SACM1L: variants seen among roughly 807,000 people sequenced by gnomAD.
SACM1L encodes the protein SAC1 like phosphatidylinositide phosphatase, also known as phosphatidylinositol-3-phosphatase SAC1.
A neutral mutation model predicts 89.5 loss-of-function variants in SACM1L; 32 were observed. That is an observed-to-expected ratio of 0.36 (90% CI 0.27 to 0.48). The LOEUF is 0.48. Among genes scored for constraint, SACM1L ranks in the 20% least tolerant of loss-of-function variants. The pLI, the probability that SACM1L is intolerant of heterozygous loss-of-function variation, is 0.99. For synonymous variants in SACM1L, 213 were observed against 232.8 expected (o/e 0.92, Z 0.77); for missense variants, 543 against 708.5 (o/e 0.77, Z 2.65).
intron 11 of SACM1L, among the ~76,000 whole-genome samples, chr3:45,724,642 C>T (rs146230919): frequency 5.0e-4 from 76 of 152,032 alleles, no homozygotes; most frequent in Non-Finnish European, 8.7e-4. Flanking sequence ...TGTTTAAGTC[C>T]AGCTTATCTA....
intron 5 of SACM1L, among the ~76,000 whole-genome samples, chr3:45,712,479 G>A (rs1203475093): frequency 2.0e-5 from 3 of 152,142 alleles, no homozygotes; most frequent in Non-Finnish European, 2.9e-5. Flanking sequence ...CAAGTGATCC[G>A]CCTGCCTTGG....
At chr3:45,698,318 C>T (rs1291865903) in intron 1 of SACM1L, among the ~76,000 whole-genome samples, 3 of 152,174 alleles carry the variant, frequency 2.0e-5, no homozygotes, top group Non-Finnish European at 4.4e-5. Flanking sequence ...TTCTAATGAG[C>T]ATCCCTAGAA....
intron 5 of SACM1L, 145 bp downstream of exon 5, chr3:45,709,792 A>G: frequency 1.5e-6 from 1 of 685,624 alleles, no homozygotes; most frequent in South Asian, 2.2e-5. Flanking sequence ...CCCTGTTTTA[A>G]ATATACATCA....
rs1181029098 is a variant in SACM1L, at chr3:45,706,873, A to G, written c.299A>G (p.Tyr100Cys). 1 of 1,613,332 alleles carries G rather than the reference A, an allele frequency of 6.2e-7. No individual in the cohort carries two copies. The part of the protein sequence containing the change: ...WKATDFDVLS[Y>C]KKTMLHLTDI... ...GCAACAGATTTTGATGTCCTTTCTTATAAGAAGACAATGTTGCACTTAACT... is the reference window on the plus strand; with the variant it reads ...GCAACAGATTTTGATGTCCTTTCTTGTAAGAAGACAATGTTGCACTTAACT... The change falls in exon 4 of 20, where the codon TAT becomes TGT. Residue 100 changes from tyrosine to cysteine, a missense_variant. Tyr to Cys is a radical substitution (Grantham distance 194, BLOSUM62 -2). Transcript: ENST00000389061.
At chr3:45,693,585 C>T (rs1318070131) in intron 1 of SACM1L, among the ~76,000 whole-genome samples, 1 of 152,234 alleles carries the variant, frequency 6.6e-6, no homozygotes, top group Non-Finnish European at 1.5e-5. Context: ...TCAGATCATA[C>T]AGCCAAGCCA....
intron 5 of SACM1L, among the ~76,000 whole-genome samples, chr3:45,710,445 A>C (rs952490410): frequency 1.7e-4 from 26 of 149,082 alleles, no homozygotes; most frequent in African/African-American, 6.2e-4. Context: ...CACCCACCTC[A>C]TCCTCCCAAA....
chr3:45,692,855 A>G (rs1431528181), intron 1 of SACM1L, among the ~76,000 whole-genome samples: 2 of 152,240 alleles, frequency 1.3e-5, no homozygotes, highest in African/African-American at 4.8e-5. Context: ...TGGTCAATCC[A>G]TAGTACTGTT....
At position 45,703,469 on chromosome 3, in the gene SACM1L, G is replaced by A; in HGVS notation, c.64G>A (p.Ala22Thr). 2 of 1,613,102 alleles carry A rather than the reference G, an allele frequency of 1.2e-6. No individual in the cohort carries two copies. Among genetic ancestry groups the A allele is most frequent in the Non-Finnish European group, 1.7e-6 (2 of 1,179,266 alleles). ...HITPEKFYVE[A>T]CDDGADDVLT... is the part of the protein sequence containing the mutation. ...CACACCTGAAAAATTTTATGTGGAA[G>A]CTTGTGATGATGGAGCAGATGACGT... is the stretch of plus-strand genomic sequence containing the variant. Residue 22 changes from alanine to threonine, a missense_variant, in exon 2 of 20, where the codon GCT (alanine) becomes ACT (threonine). By Grantham distance (58) the Ala-to-Thr change is moderately conservative (BLOSUM62 0). Coordinates refer to ENST00000389061, the MANE Select transcript of SACM1L (RefSeq NM_014016.5).
intron 1 of SACM1L, 177 bp downstream of exon 1, chr3:45,689,674 C>A: frequency 1.4e-6 from 1 of 724,300 alleles, no homozygotes; most frequent in Non-Finnish European, 2.3e-6. Flanking sequence ...TAGCCATAGG[C>A]CGGGAACCAG....
chr3:45,713,361 A>G, intron 6 of SACM1L, 165 bp downstream of exon 6: 1 of 506,682 alleles, frequency 2.0e-6, no homozygotes, highest in Non-Finnish European at 3.4e-6. Flanking sequence ...ACATCATTCT[A>G]GGTTGAAGAA....
At chr3:45,695,718 T>C (rs1022335203) in intron 1 of SACM1L, among the ~76,000 whole-genome samples, 1 of 152,232 alleles carries the variant, frequency 6.6e-6, no homozygotes, top group African/African-American at 2.4e-5. Flanking sequence ...AAGTATACAG[T>C]TCAGGGGCAA....
chr3:45,727,305 CAT>C (rs1043377289), intron 11 of SACM1L, among the ~76,000 whole-genome samples: 10 of 152,146 alleles, frequency 6.6e-5, no homozygotes, highest in African/African-American at 2.4e-4. Context: ...TTGTTTTTCA[CAT>C]GTTTGTGAAA....
At chr3:45,692,970 GCAACTT>G (rs1297922139) in intron 1 of SACM1L, among the ~76,000 whole-genome samples, 1 of 152,104 alleles carries the variant, frequency 6.6e-6, no homozygotes, top group Non-Finnish European at 1.5e-5. Flanking sequence ...AATATGTTAG[GCAACTT>G]CTTTGTACAA....
chr3:45,732,274 C>G (rs901128999), intron 13 of SACM1L, 123 bp downstream of exon 13: 39 of 460,354 alleles, frequency 8.5e-5, no homozygotes, highest in Non-Finnish European at 1.2e-4. Context: ...CTTGTCTGTA[C>G]TATTTTATTA....
At position 45,739,662 on chromosome 3, in the gene SACM1L, A is replaced by G. The variant is rs750728185; in HGVS notation, c.1627+18A>G. The G allele has an allele frequency of 3.1e-6, 5 of 1,611,898 alleles. No individual in the cohort carries two copies. Among genetic ancestry groups the G allele is most frequent in the Non-Finnish European group, 4.2e-6 (5 of 1,178,194 alleles). Reference sequence around the variant, plus strand: ...TATGGCTGGTAAGTCTGCTCCACACATTTGTTTCTTAGTTAGAATGTTGAC... The same window carrying G: ...TATGGCTGGTAAGTCTGCTCCACACGTTTGTTTCTTAGTTAGAATGTTGAC... On this transcript the variant is annotated intron_variant, in intron 19 of 19. Transcript: ENST00000389061.
Position 45,743,620 on chromosome 3 carries a change from A to G in SACM1L, c.1715A>G (p.Lys572Arg), listed in dbSNP as rs1175407933. ...GTFFIILYNGKDFVDAPRLVQ... is the reference protein window; with the variant it reads ...GTFFIILYNGRDFVDAPRLVQ... ...TTTTTTATCATTCTTTACAATGGCAAAGATTTTGTCGATGCTCCCAGACTG... is the reference window on the plus strand; with the variant it reads ...TTTTTTATCATTCTTTACAATGGCAGAGATTTTGTCGATGCTCCCAGACTG... Residue 572 changes from lysine (K) to arginine (R), a missense_variant, in exon 20 of 20, where the codon AAA (lysine) becomes AGA (arginine). By Grantham distance (26) the Lys-to-Arg change is conservative. Transcript: ENST00000389061. 9 of 1,614,156 alleles carry G rather than the reference A, an allele frequency of 5.6e-6. No homozygotes were observed. The highest frequency in any genetic ancestry group is 1.7e-5 in the Admixed American group (1 of 60,026).
chr3:45,709,773 G>C (rs1415666338), intron 5 of SACM1L, 126 bp downstream of exon 5: 4 of 794,398 alleles, frequency 5.0e-6, no homozygotes, highest in Non-Finnish European at 7.7e-6. Flanking sequence ...ATGAGGCTTT[G>C]AAAATATACC....
At chr3:45,697,268 CCTT>C (rs1698153543) in intron 1 of SACM1L, among the ~76,000 whole-genome samples, 1 of 110,608 alleles carries the variant, frequency 9.0e-6, no homozygotes, top group Non-Finnish European at 1.8e-5. Flanking sequence ...CTTTTCTTTT[CCTT>C]TTTTTTTTTT....
chr3:45,698,925 C>T (rs561158436), intron 1 of SACM1L, among the ~76,000 whole-genome samples: 17 of 152,212 alleles, frequency 1.1e-4, no homozygotes, highest in South Asian at 2.1e-4. Flanking sequence ...CACGTGCCAC[C>T]GCACCCAGCT....
Sources: allele counts gnomAD v4.1 joint callset (sites outside exome capture counted in the v4.1 genomes callset), GRCh38; gene constraint gnomAD v4.1.1; transcripts MANE v1.5; gene names NCBI Gene and HGNC (gene_info 2026-07-23, HGNC 2026-07-21).